Variants in DRC9 observed in about 807,000 individuals in gnomAD.
The protein encoded by DRC9 is dynein regulatory complex protein 9.
the DRC9 span, chr3:197,950,709 T>C: frequency 1.7e-6 from 1 of 574,776 alleles, no homozygotes; most frequent in Non-Finnish European, 3.1e-6. Flanking sequence ...CTCCTGTCCC[T>C]TAGTTTTGTC....
At chr3:197,907,216 G>A in the DRC9 span, among the ~76,000 whole-genome samples, 2 of 152,146 alleles carry the variant, frequency 1.3e-5, no homozygotes, top group Non-Finnish European at 2.9e-5. Flanking sequence ...ATTTCTCAAT[G>A]TCTTAGTAAA....
the DRC9 span, among the ~76,000 whole-genome samples, chr3:197,895,974 C>CAAAAAAAAAAA: frequency 5.1e-5 from 3 of 58,992 alleles, no homozygotes; most frequent in African/African-American, 1.9e-4. Context: ...GACCCTGTCT[C>CAAAAAAAAAAA]AAAAAAAAAA....
chr3:197,889,873 C>T, the DRC9 span, among the ~76,000 whole-genome samples: 1 of 152,210 alleles, frequency 6.6e-6, no homozygotes, highest in Non-Finnish European at 1.5e-5. Context: ...CAGCGATGCT[C>T]TCCTGTCGTG....
the DRC9 span, among the ~76,000 whole-genome samples, chr3:197,922,782 CT>C: frequency 6.6e-6 from 1 of 151,548 alleles, no homozygotes; most frequent in Admixed American, 6.6e-5. Flanking sequence ...AGATACTTAT[CT>C]TCTATAAGAT....
the DRC9 span, among the ~76,000 whole-genome samples, chr3:197,899,969 G>A: frequency 3.3e-5 from 5 of 152,200 alleles, no homozygotes; most frequent in Non-Finnish European, 4.4e-5. Context: ...GTGGGAGGGC[G>A]GGCGCGGCAC....
chr3:197,940,887 G>C, the DRC9 span, among the ~76,000 whole-genome samples: 3 of 152,076 alleles, frequency 2.0e-5, no homozygotes, highest in Non-Finnish European at 1.5e-5. Context: ...ATCACAAGGA[G>C]GGTTTCTGTT....
the DRC9 span, chr3:197,943,791 T>C: frequency 6.2e-7 from 1 of 1,614,172 alleles, no homozygotes; most frequent in Non-Finnish European, 8.5e-7. Flanking sequence ...GCAGATGCTC[T>C]GTCTCCCTTC....
the DRC9 span, chr3:197,925,994 C>A: frequency 8.8e-7 from 1 of 1,133,990 alleles, no homozygotes; most frequent in South Asian, 1.2e-5. Context: ...TTAGCTCGGT[C>A]ACTTTTGGTG....
chr3:197,948,470 G>A, the DRC9 span, among the ~76,000 whole-genome samples: 2 of 152,194 alleles, frequency 1.3e-5, no homozygotes, highest in African/African-American at 4.8e-5. Flanking sequence ...ACATGACAAC[G>A]ATGCTCACAG....
At chr3:197,951,054 A>G in the DRC9 span, 1 of 1,605,388 alleles carries the variant, frequency 6.2e-7, no homozygotes, top group Admixed American at 1.7e-5. Flanking sequence ...ATTGGCAAGA[A>G]AAAACTTAGA....
At chr3:197,932,128 G>C in the DRC9 span, 1 of 1,583,678 alleles carries the variant, frequency 6.3e-7, no homozygotes, top group Admixed American at 1.7e-5. Flanking sequence ...GAGTGTTTTA[G>C]CACTTTAAAA....
At chr3:197,921,598 G>T in the DRC9 span, among the ~76,000 whole-genome samples, 4 of 152,198 alleles carry the variant, frequency 2.6e-5, no homozygotes, top group Middle Eastern at 0.01. Context: ...TAACTCTGCG[G>T]ATTTAACCTG....
At chr3:197,914,826 G>A in the DRC9 span, among the ~76,000 whole-genome samples, 2 of 152,132 alleles carry the variant, frequency 1.3e-5, no homozygotes, top group African/African-American at 4.8e-5. Context: ...TCGGGAAAGC[G>A]ATGGCTCATT....
the DRC9 span, among the ~76,000 whole-genome samples, chr3:197,908,249 T>C: frequency 8.3e-3 from 871 of 105,258 alleles, 36 homozygotes; most frequent in Admixed American, 0.018. Context: ...GTCTGAAGAG[T>C]GACCCCTTTC....
the DRC9 span, chr3:197,959,600 T>C: frequency 1.3e-5 from 2 of 152,266 alleles, no homozygotes; most frequent in African/African-American, 4.8e-5. Context: ...CATGAGCCAC[T>C]GGGATTTGTC....
the DRC9 span, among the ~76,000 whole-genome samples, chr3:197,948,635 G>A: frequency 6.6e-6 from 1 of 152,176 alleles, no homozygotes; most frequent in African/African-American, 2.4e-5. Context: ...GAAATTTCTA[G>A]CACATTTCTT....
At chr3:197,933,468 G>T in the DRC9 span, among the ~76,000 whole-genome samples, 1 of 151,728 alleles carries the variant, frequency 6.6e-6, no homozygotes, top group Admixed American at 6.6e-5. Context: ...CAAAAAAACC[G>T]CAAAAGTTTG....
chr3:197,910,153 A>C, the DRC9 span, among the ~76,000 whole-genome samples: 1 of 152,148 alleles, frequency 6.6e-6, no homozygotes, highest in Non-Finnish European at 1.5e-5. Context: ...CTGAAATTGT[A>C]GCTGGACGTG....
the DRC9 span, chr3:197,950,883 G>A: frequency 1.9e-6 from 3 of 1,566,372 alleles, no homozygotes; most frequent in African/African-American, 1.4e-5. Flanking sequence ...GAGGGGACGA[G>A]GTGGGAAACT....
Sources: gnomAD v4.1 joint callset for allele counts (sites outside exome capture counted in the v4.1 genomes callset) on GRCh38, gnomAD v4.1.1 for gene constraint, MANE v1.5 for transcripts, NCBI Gene and HGNC (gene_info 2026-07-23, HGNC 2026-07-21) for gene names.